The following DDX10 variants were observed in gnomAD, a reference collection of about 807,000 sequenced individuals.
DDX10 encodes the protein probable ATP-dependent RNA helicase DDX10.
A neutral mutation model predicts 104.3 loss-of-function variants in DDX10; 74 were observed. That is an observed-to-expected ratio of 0.71 (90% confidence interval 0.59 to 0.86). The LOEUF (loss-of-function observed/expected upper bound fraction) is 0.86. Ranked by LOEUF, DDX10 falls within the 40% of genes least tolerant of loss-of-function variation. DDX10 has a pLI of 0.00. For synonymous variants in DDX10, 351 were observed against 353.4 expected (o/e 0.99, Z 0.08); for missense variants, 952 against 1,040.0 (o/e 0.92, Z 1.16).
intron 16 of DDX10, among the ~76,000 whole-genome samples, chr11:108,869,289 C>T (rs1863050425): frequency 6.6e-6 from 1 of 151,778 alleles, no homozygotes; most frequent in Admixed American, 6.6e-5. Flanking sequence ...TGCCATTATG[C>T]TCTGTCATGG....
intron 16 of DDX10, among the ~76,000 whole-genome samples, chr11:108,913,232 G>A (rs962201841): frequency 1.7e-4 from 26 of 152,018 alleles, no homozygotes; most frequent in African/African-American, 5.8e-4. Context: ...ACATCAATCA[G>A]TATCTGTAAG....
intron 16 of DDX10, among the ~76,000 whole-genome samples, chr11:108,863,757 G>A (rs940046007): frequency 1.3e-5 from 2 of 152,074 alleles, no homozygotes; most frequent in Non-Finnish European, 2.9e-5. Context: ...GGTACTTTGA[G>A]GAGAACAGAA....
At chr11:108,801,398 C>T (rs753078713) in intron 13 of DDX10, among the ~76,000 whole-genome samples, 15 of 152,238 alleles carry the variant, frequency 9.9e-5, no homozygotes, top group South Asian at 4.1e-4. Flanking sequence ...GTTTTGGAAA[C>T]GTGTTTTCAA....
At chr11:108,826,902 A>G (rs1445565580) in intron 13 of DDX10, among the ~76,000 whole-genome samples, 1 of 152,252 alleles carries the variant, frequency 6.6e-6, no homozygotes, top group African/African-American at 2.4e-5. Flanking sequence ...GAGTTTCTCA[A>G]ATTAGCAATT....
chr11:108,852,135 C>T lies in DDX10; in HGVS notation c.2248-18C>T, dbSNP rs753685254. The T allele has an allele frequency of 1.9e-6, 3 of 1,599,660 alleles. No homozygotes were observed. Among genetic ancestry groups the T allele is most frequent in the Non-Finnish European group, 2.6e-6 (3 of 1,171,702 alleles). On this transcript the variant is annotated intron_variant, in intron 15 of 17. Coordinates refer to ENST00000322536, the MANE Select transcript of DDX10 (RefSeq NM_004398.4). ...CTAATTATATGCTGCTAATTTTTCT[C>T]CTCTTCCTTGTCTCCAGGAGAAAAG...
At chr11:108,687,833 T>C (rs1472882783) in intron 6 of DDX10, among the ~76,000 whole-genome samples, 1 of 152,230 alleles carries the variant, frequency 6.6e-6, no homozygotes, top group Non-Finnish European at 1.5e-5. Flanking sequence ...CTTAGTCATA[T>C]CTAAAACCAG....
chr11:108,884,286 G>A (rs1324297592), intron 16 of DDX10, among the ~76,000 whole-genome samples: 1 of 152,106 alleles, frequency 6.6e-6, no homozygotes, highest in South Asian at 2.1e-4. Flanking sequence ...AGGTTGATTA[G>A]GCACAAACCT....
chr11:108,754,221 A>G (rs2094341902), intron 13 of DDX10, among the ~76,000 whole-genome samples: 1 of 152,054 alleles, frequency 6.6e-6, no homozygotes, highest in Non-Finnish European at 1.5e-5. Flanking sequence ...TCTAGTATAC[A>G]GTATAGATTC....
intron 13 of DDX10, among the ~76,000 whole-genome samples, chr11:108,836,440 A>G (rs1401353560): frequency 2.0e-5 from 3 of 152,190 alleles, no homozygotes; most frequent in Non-Finnish European, 4.4e-5. Flanking sequence ...ATAACTTGGC[A>G]CAAGTCTTTA....
intron 13 of DDX10, among the ~76,000 whole-genome samples, chr11:108,824,944 A>G (rs368896105): frequency 2.6e-5 from 4 of 152,362 alleles, no homozygotes; most frequent in Admixed American, 6.5e-5. Flanking sequence ...TTGTAACACT[A>G]TAAATGTTCA....
At chr11:108,848,312 G>A (rs1862746472) in intron 15 of DDX10, among the ~76,000 whole-genome samples, 1 of 152,150 alleles carries the variant, frequency 6.6e-6, no homozygotes, top group Non-Finnish European at 1.5e-5. Flanking sequence ...AAGAGCCAGA[G>A]ACTGGTCTGG....
chr11:108,683,612 A>G (rs1239625769), intron 6 of DDX10, among the ~76,000 whole-genome samples: 1 of 152,226 alleles, frequency 6.6e-6, no homozygotes, highest in Non-Finnish European at 1.5e-5. Flanking sequence ...ATCTGATACA[A>G]GCAGCTTCTT....
intron 17 of DDX10, among the ~76,000 whole-genome samples, chr11:108,932,968 T>C (rs889892655): frequency 1.3e-5 from 2 of 151,970 alleles, no homozygotes; most frequent in African/African-American, 4.8e-5. Context: ...TACCTTTGTC[T>C]TGAAGTCATA....
intron 14 of DDX10, among the ~76,000 whole-genome samples, chr11:108,840,560 A>G (rs1227824466): frequency 6.6e-6 from 1 of 152,192 alleles, no homozygotes. Context: ...AGTAATGAAA[A>G]AGCCAGGACA....
Position 108,719,851 on chromosome 11 carries a change from G to A in DDX10, c.1465G>A (p.Asp489Asn). Residue 489 changes from aspartate to asparagine, a missense_variant, in exon 12 of 18, where the codon GAT becomes AAT. This residue lies in a region of DDX10 where 533 missense variants were observed against 534.1 expected (regional missense o/e 1.00). Coordinates refer to ENST00000322536, the MANE Select transcript of DDX10 (RefSeq NM_004398.4). ...VYLMKDKEVF[D>N]VSKLPIPEYA... ...TCTGATGAAGGATAAAGAAGTATTT[G>A]ATGTGAGCAAGTTACCTATACCTGA... 2 of 1,605,922 alleles carry A rather than the reference G, an allele frequency of 1.2e-6. No individual in the cohort carries two copies. The highest frequency in any genetic ancestry group is 1.7e-6 in the Non-Finnish European group (2 of 1,172,624).
intron 13 of DDX10, among the ~76,000 whole-genome samples, chr11:108,745,037 T>TCTTTCCCCCTTCCCCCTTCCC (rs1304245560): frequency 3.6e-5 from 2 of 54,906 alleles, no homozygotes; most frequent in Non-Finnish European, 6.8e-5. Flanking sequence ...AATTACTTTT[T>TCTTTCCCCCTTCCCCCTTCCC]CCTTCCCCCT....
chr11:108,666,787 A>G (rs1338621206), intron 1 of DDX10, among the ~76,000 whole-genome samples: 4 of 152,192 alleles, frequency 2.6e-5, no homozygotes, highest in Non-Finnish European at 4.4e-5. Context: ...CAGGATAATC[A>G]CCCCATCCCA....
chr11:108,863,991 T>C (rs1862973982), intron 16 of DDX10, among the ~76,000 whole-genome samples: 1 of 151,224 alleles, frequency 6.6e-6, no homozygotes, highest in Non-Finnish European at 1.5e-5. Context: ...CAGTAAGCTT[T>C]GGAATCCAAG....
At position 108,905,769 on chromosome 11, in the gene DDX10, G is replaced by A. The variant is rs139911946; in HGVS notation, c.2305-12104G>A. Among the ~76,000 whole-genome samples, 12 of 152,212 alleles carry A rather than the reference G, an allele frequency of 7.9e-5. No individual in the cohort carries two copies. In the East Asian group the frequency reaches 2.3e-3, roughly 29 times the overall value. On this transcript the variant is annotated intron_variant, in intron 16 of 17. Coordinates refer to ENST00000322536, the MANE Select transcript of DDX10 (RefSeq NM_004398.4). ...ACTATAAAAAAATACCTGAGACTTG[G>A]TAATTGGCTCATGGTTCTGCAGGCT...
Sources: allele counts gnomAD v4.1 joint callset (sites outside exome capture counted in the v4.1 genomes callset), GRCh38; gene constraint gnomAD v4.1.1; regional missense constraint gnomAD v4.1.1; transcripts MANE v1.5; gene names NCBI Gene and HGNC (gene_info 2026-07-23, HGNC 2026-07-21).